The following KLF7 variants were observed in gnomAD, a reference collection of about 807,000 sequenced individuals.
The protein encoded by KLF7 is KLF transcription factor 7.
Under a neutral mutation model 27.3 loss-of-function variants are expected in KLF7, and 2 were observed. The ratio of observed to expected loss-of-function variants is 0.07; its 90% confidence interval spans 0.03 to 0.23. The LOEUF (loss-of-function observed/expected upper bound fraction) is 0.23, where lower values mean the gene tolerates loss of function less well. KLF7 is among the 10% of genes least tolerant of loss of function. KLF7 has a pLI of 1.00. For missense variants in KLF7, 221 were observed against 394.1 expected (o/e 0.56, Z 3.72); for synonymous variants, 165 against 162.4 (o/e 1.02, Z -0.12).
intron 1 of KLF7, chr2:207,133,978 C>T (rs1256578906): frequency 3.2e-6 from 3 of 935,136 alleles, no homozygotes; most frequent in Non-Finnish European, 4.7e-6. Context: ...GTTTTACAGC[C>T]CGCTCTTATG....
At chr2:207,133,558 G>A (rs1329554854) in intron 1 of KLF7, among the ~76,000 whole-genome samples, 1 of 152,188 alleles carries the variant, frequency 6.6e-6, no homozygotes, top group African/African-American at 2.4e-5. Flanking sequence ...TGGCCCTGTC[G>A]CTTTTTCAGC....
intron 2 of KLF7, among the ~76,000 whole-genome samples, chr2:207,113,607 T>TGG (rs532527898): frequency 0.048 from 3,091 of 64,234 alleles, 150 homozygotes; most frequent in East Asian, 0.11. Context: ...GAATGGGGGG[T>TGG]GGGGGGGGGG....
chr2:207,135,948 C>T (rs1418920770), intron 1 of KLF7, among the ~76,000 whole-genome samples: 2 of 152,204 alleles, frequency 1.3e-5, no homozygotes, highest in Non-Finnish European at 2.9e-5. Context: ...TCTCCTTGCC[C>T]TGGAGAATGC....
In KLF7 at chr2:207,075,904, G is replaced by A. The variant is rs1230342647; in HGVS notation, c.*5309C>T. The stretch of plus-strand genomic sequence containing the variant: ...TGAGAACCAGCCAATAAGCCCCAAA[G>A]CCTTCAGGACCTAGGTTTGCAGAAA... On this transcript the variant is annotated 3_prime_UTR_variant, in exon 4 of 4. Coordinates refer to ENST00000309446, the MANE Select transcript of KLF7 (RefSeq NM_003709.4). 2 of 152,086 alleles carry A rather than the reference G, an allele frequency of 1.3e-5. No individual in the cohort carries two copies. Among genetic ancestry groups the A allele is most frequent in the African/African-American group, 4.8e-5 (2 of 41,402 alleles). 9.4% of individuals were successfully genotyped at this position (152,086 alleles called of 1,614,324 possible).
At chr2:207,143,295 C>T (rs1260386368) in intron 1 of KLF7, among the ~76,000 whole-genome samples, 2 of 151,326 alleles carry the variant, frequency 1.3e-5, no homozygotes, top group African/African-American at 2.4e-5. Flanking sequence ...ATAAAAGAAA[C>T]GTCAGTTCCT....
At position 207,080,536 on chromosome 2, in the gene KLF7, C is replaced by T. The variant is rs1403891078; in HGVS notation, c.*677G>A. On this transcript the variant is annotated 3_prime_UTR_variant, in exon 4 of 4. Coordinates refer to ENST00000309446, the MANE Select transcript of KLF7 (RefSeq NM_003709.4). ...GGTGTAAGGTGTTATTCCAGTCTGC[C>T]GCCGCTAAGGCCGTTGGGATCGACG... The T allele has an allele frequency of 1.1e-5, 3 of 281,068 alleles. No homozygotes were observed. The highest frequency in any genetic ancestry group is 2.0e-5 in the Non-Finnish European group (3 of 151,988). The allele number at this position is 281,068 out of a possible 1,614,324, so 17.4% of individuals were successfully genotyped here. A position where few individuals can be genotyped will look rare whatever the true frequency, so the allele number is the denominator to read the frequency against.
At chr2:207,104,856 A>G (rs1254394374) in intron 2 of KLF7, among the ~76,000 whole-genome samples, 2 of 152,260 alleles carry the variant, frequency 1.3e-5, no homozygotes, top group East Asian at 3.8e-4. Flanking sequence ...AAAGAATGTC[A>G]GAACTATTTA....
Position 207,137,275 on chromosome 2 carries a change from C to T in KLF7, c.103-12871G>A, listed in dbSNP as rs751273198. Among the ~76,000 whole-genome samples, 89 of 152,174 alleles carry T rather than the reference C, an allele frequency of 5.8e-4. 1 individual carries two copies. Among genetic ancestry groups the T allele is most frequent in the Non-Finnish European group, 8.8e-5 (6 of 68,026 alleles). On this transcript the variant is annotated intron_variant, in intron 1 of 3. Transcript: ENST00000309446. ...TCATTCCCTGACATTAGCAGCCCCA[C>T]TTCTATCAGTCCTTACATGAAAGGT...
chr2:207,083,823 G>A (rs980131274), intron 3 of KLF7, among the ~76,000 whole-genome samples: 1 of 152,164 alleles, frequency 6.6e-6, no homozygotes, highest in African/African-American at 2.4e-5. Flanking sequence ...GAACCAGAGA[G>A]ATGTCAGCAT....
intron 1 of KLF7, among the ~76,000 whole-genome samples, chr2:207,139,338 T>C (rs911192944): frequency 6.6e-6 from 1 of 152,200 alleles, no homozygotes; most frequent in African/African-American, 2.4e-5. Context: ...AGTCCCCCTG[T>C]GAGACTGTAA....
chr2:207,131,327 A>G (rs141258302), intron 1 of KLF7, among the ~76,000 whole-genome samples: 5 of 152,326 alleles, frequency 3.3e-5, no homozygotes, highest in African/African-American at 1.2e-4. Context: ...TTTTTGTCAC[A>G]TGCTATTAAC....
intron 1 of KLF7, among the ~76,000 whole-genome samples, chr2:207,164,407 C>G (rs2078637721): frequency 6.6e-6 from 1 of 152,194 alleles, no homozygotes; most frequent in Non-Finnish European, 1.5e-5. Context: ...TCTTCTTGGA[C>G]TTTCCATGGT....
In KLF7 at chr2:207,124,006, C is replaced by T. The variant is rs762605991; in HGVS notation, c.501G>A (p.Val167=). The change falls in exon 2 of 4, where the codon GTG becomes GTA. Residue 167 remains valine, a synonymous_variant. Transcript: ENST00000309446. ...CGGAGCTGAGAGCAGCCTTCTTGGC[C>T]ACCAGTTTCAACGTCACCGTGCCAT... is the stretch of plus-strand genomic sequence containing the variant. ...AVDGTVTLKL[V]AKKAALSSVK... is the part of the protein sequence containing the mutation. The T allele has an allele frequency of 1.2e-6, 2 of 1,614,148 alleles. No individual in the cohort carries two copies. Among genetic ancestry groups the T allele is most frequent in the Non-Finnish European group, 1.7e-6 (2 of 1,180,030 alleles).
chr2:207,135,277 C>G (rs527372359), intron 1 of KLF7, among the ~76,000 whole-genome samples: 1 of 151,650 alleles, frequency 6.6e-6, no homozygotes, highest in African/African-American at 2.4e-5. Context: ...AGAACAAGTT[C>G]AGAGGAACTG....
intron 1 of KLF7, among the ~76,000 whole-genome samples, chr2:207,134,436 C>T (rs941929280): frequency 1.3e-5 from 2 of 152,036 alleles, no homozygotes; most frequent in Non-Finnish European, 2.9e-5. Flanking sequence ...ATAGAGGATG[C>T]TTTCAAAACG....
At chr2:207,139,397 T>C (rs542459887) in intron 1 of KLF7, among the ~76,000 whole-genome samples, 40 of 152,218 alleles carry the variant, frequency 2.6e-4, no homozygotes, top group African/African-American at 9.1e-4. Context: ...GAACCTAACT[T>C]AGTAAAGAAA....
chr2:207,145,698 T>C (rs576655515), intron 1 of KLF7, among the ~76,000 whole-genome samples: 17 of 152,318 alleles, frequency 1.1e-4, no homozygotes, highest in African/African-American at 4.1e-4. Context: ...CTTTCCCTTA[T>C]TTCCCAATCA....
intron 1 of KLF7, among the ~76,000 whole-genome samples, chr2:207,126,378 A>C (rs1156796121): frequency 6.6e-6 from 1 of 152,176 alleles, no homozygotes; most frequent in Non-Finnish European, 1.5e-5. Flanking sequence ...CAGGTACATA[A>C]TGTCTGTCAA....
upstream of KLF7, among the ~76,000 whole-genome samples, chr2:207,171,534 C>A (rs2078786014): frequency 6.6e-6 from 1 of 152,148 alleles, no homozygotes; most frequent in Non-Finnish European, 1.5e-5. Context: ...ATCAGTGTGA[C>A]CAAATTTATT....
Sources: gnomAD v4.1 joint callset for allele counts (sites outside exome capture counted in the v4.1 genomes callset) on GRCh38, gnomAD v4.1.1 for gene constraint, MANE v1.5 for transcripts, NCBI Gene and HGNC (gene_info 2026-07-23, HGNC 2026-07-21) for gene names.